RAB4B: variants seen among roughly 807,000 people sequenced by gnomAD.
The protein encoded by RAB4B is ras-related protein Rab-4B.
In RAB4B, 15 loss-of-function variants were observed where a neutral mutation model predicts 28.3. That is an observed-to-expected ratio of 0.53 (90% CI 0.35 to 0.82). The LOEUF is 0.82. Among genes scored for constraint, RAB4B ranks in the 40% least tolerant of loss-of-function variants. The pLI is 0.01. For synonymous variants in RAB4B, 108 were observed against 116.3 expected (o/e 0.93, Z 0.46); for missense variants, 244 against 288.5 (o/e 0.85, Z 1.12).
intron 7 of RAB4B, among the ~76,000 whole-genome samples, chr19:40,795,568 T>G (rs1466944755): frequency 4.2e-4 from 63 of 149,584 alleles, no homozygotes; most frequent in Admixed American, 4.2e-3. Flanking sequence ...CCTGGCTAAT[T>G]TTTGTATTTT....
chr19:40,778,930 A>G, intron 1 of RAB4B: 1 of 985,902 alleles, frequency 1.0e-6, no homozygotes, highest in Non-Finnish European at 1.2e-6. Flanking sequence ...GAAGTGGAAA[A>G]TCAGTAGGGA....
intron 1 of RAB4B, chr19:40,779,093 A>G: frequency 1.1e-6 from 1 of 913,914 alleles, no homozygotes; most frequent in Non-Finnish European, 1.3e-6. Flanking sequence ...AATAGACTGA[A>G]GGTCAGGAGC....
chr19:40,790,664 C>CTTTT (rs34206561), intron 7 of RAB4B, among the ~76,000 whole-genome samples: 4 of 111,506 alleles, frequency 3.6e-5, no homozygotes, highest in Admixed American at 1.1e-4. Context: ...TGAGCCTTTC[C>CTTTT]TTTTTTTTTT....
intron 2 of RAB4B, 46 bp downstream of exon 2, chr19:40,780,145 C>G (rs369181319): frequency 6.2e-7 from 1 of 1,607,052 alleles, no homozygotes; most frequent in Non-Finnish European, 8.5e-7. Flanking sequence ...TGTGTTTATG[C>G]GCATGGTGTG....
intron 7 of RAB4B, 127 bp downstream of exon 7, chr19:40,787,105 G>C: frequency 1.1e-6 from 1 of 901,836 alleles, no homozygotes. Context: ...AAACACACAA[G>C]CTAAAGGAGG....
chr19:40,791,200 G>A (rs2083156298), intron 7 of RAB4B, among the ~76,000 whole-genome samples: 1 of 151,980 alleles, frequency 6.6e-6, no homozygotes, highest in Admixed American at 6.6e-5. Context: ...ATGCTCGTGA[G>A]GCTGGTCTTG....
Position 40,786,993 on chromosome 19 carries a change from G to A in RAB4B, c.*15+15G>A, listed in dbSNP as rs372465658. On this transcript the variant is annotated intron_variant, in intron 7 of 7. Coordinates refer to ENST00000357052, the MANE Select transcript of RAB4B (RefSeq NM_016154.5). ...TGTGGAGCCAGGTGGGACACTGGGG[G>A]CTTTAGGGAGGCAGGGCGGCCTCTT... The A allele has an allele frequency of 6.9e-6, 11 of 1,605,582 alleles. No homozygotes were observed. The African/African-American group carries it at 1.2e-4, about 18-fold the overall frequency.
rs778955458 is a variant in RAB4B at position 40,780,393 on chromosome 19, G to A, written c.106G>A (p.Asp36Asn). Residue 36 changes from aspartate (D) to asparagine (N), a missense_variant, in exon 3 of 8, where the codon GAC (aspartate) becomes AAC (asparagine). Coordinates refer to ENST00000357052, the MANE Select transcript of RAB4B (RefSeq NM_016154.5). Reference protein sequence around the residue: ...HQFIENKFKQDSNHTIGVEFG... With the variant: ...HQFIENKFKQNSNHTIGVEFG... The stretch of plus-strand genomic sequence containing the variant: ...GTTCCTCCTACTCCCAGTCAAACAG[G>A]ACTCCAACCACACAATCGGCGTGGA... The A allele has an allele frequency of 7.5e-6, 12 of 1,609,010 alleles. No individual in the cohort carries two copies. Among genetic ancestry groups the A allele is most frequent in the Admixed American group, 1.7e-5 (1 of 59,138 alleles).
At position 40,786,967 on chromosome 19, in the gene RAB4B, C is replaced by T. The variant is rs1342035079; in HGVS notation, c.*4C>T. The T allele has an allele frequency of 6.2e-7, 1 of 1,613,446 alleles. No individual in the cohort carries two copies. The highest frequency in any genetic ancestry group is 2.2e-5 in the East Asian group (1 of 44,862). On this transcript the variant is annotated 3_prime_UTR_variant, in exon 7 of 8. Coordinates refer to ENST00000357052, the MANE Select transcript of RAB4B (RefSeq NM_016154.5). ...CCCTCAGCCGTGTGGCTGCTGAGCT[C>T]TGTGGAGCCAGGTGGGACACTGGGG... is the stretch of plus-strand genomic sequence containing the variant.
intron 3 of RAB4B, among the ~76,000 whole-genome samples, chr19:40,783,499 G>A (rs1333113793): frequency 6.6e-6 from 1 of 152,076 alleles, no homozygotes; most frequent in Non-Finnish European, 1.5e-5. Context: ...ACAGACGAAT[G>A]GAAAGATAGG....
At chr19:40,778,499 G>A (rs1340876694) in intron 1 of RAB4B, 108 bp downstream of exon 1, 2 of 1,168,312 alleles carry the variant, frequency 1.7e-6, no homozygotes, top group East Asian at 6.2e-5. Flanking sequence ...TGGTGTGATG[G>A]AGGCAGGACC....
At chr19:40,778,461 G>T in intron 1 of RAB4B, 70 bp downstream of exon 1, 1 of 1,372,540 alleles carries the variant, frequency 7.3e-7, no homozygotes, top group East Asian at 2.9e-5. Flanking sequence ...GGGAATGGGC[G>T]GGGCTTTGTA....
In RAB4B at chr19:40,783,985, A is replaced by T; in HGVS notation, c.340A>T (p.Ile114Phe). The change falls in exon 5 of 8, where the codon ATC (isoleucine) becomes TTC (phenylalanine). Residue 114 changes from isoleucine (I) to phenylalanine (F), a missense_variant. Physicochemically the swap from Ile to Phe is conservative, Grantham distance 21 (BLOSUM62 0). Transcript: ENST00000357052. ...TGCCCGCACCCTGGCCAGCCCCAACATCGTGGTCATCCTCTGTGGCAACAA... is the reference window on the plus strand; with the variant it reads ...TGCCCGCACCCTGGCCAGCCCCAACTTCGTGGTCATCCTCTGTGGCAACAA... ...TDARTLASPN[I>F]VVILCGNKKD... 1 of 1,613,962 alleles carries T rather than the reference A, an allele frequency of 6.2e-7. No individual in the cohort carries two copies. Among genetic ancestry groups the T allele is most frequent in the Non-Finnish European group, 8.5e-7 (1 of 1,179,898 alleles).
intron 5 of RAB4B, among the ~76,000 whole-genome samples, chr19:40,785,215 G>GTTTGT (rs918350647): frequency 5.3e-5 from 8 of 151,764 alleles, no homozygotes; most frequent in African/African-American, 1.9e-4. Flanking sequence ...ACACCAAAAG[G>GTTTGT]TTTGCAAGGG....
intron 7 of RAB4B, among the ~76,000 whole-genome samples, chr19:40,795,636 C>A (rs560988069): frequency 6.6e-6 from 1 of 151,874 alleles, no homozygotes; most frequent in Non-Finnish European, 1.5e-5. Flanking sequence ...ACCTTGTGAT[C>A]TGCCTGTCTC....
chr19:40,789,351 T>C (rs1371547291), intron 7 of RAB4B, among the ~76,000 whole-genome samples: 5 of 151,754 alleles, frequency 3.3e-5, no homozygotes, highest in Non-Finnish European at 5.9e-5. Flanking sequence ...TACAGGCATG[T>C]GCCACCACAC....
chr19:40,794,039 G>A (rs930518526), intron 7 of RAB4B, among the ~76,000 whole-genome samples: 7 of 151,746 alleles, frequency 4.6e-5, no homozygotes, highest in South Asian at 2.1e-4. Context: ...ATGAGCCACC[G>A]AGCCCAGCCA....
chr19:40,788,324 G>GT, intron 7 of RAB4B, among the ~76,000 whole-genome samples: 1 of 151,600 alleles, frequency 6.6e-6, no homozygotes, highest in African/African-American at 2.4e-5. Context: ...TCCACAAAAA[G>GT]TTTTTTAAAA....
chr19:40,783,147 C>CAAAAAAAAAA (rs1168587843), intron 3 of RAB4B, among the ~76,000 whole-genome samples: 2 of 35,678 alleles, frequency 5.6e-5, no homozygotes, highest in African/African-American at 7.7e-5. Flanking sequence ...GATTCCTACT[C>CAAAAAAAAAA]AAAAAAAAAA....
Sources: allele counts gnomAD v4.1 joint callset (sites outside exome capture counted in the v4.1 genomes callset), GRCh38; gene constraint gnomAD v4.1.1; transcripts MANE v1.5; gene names NCBI Gene and HGNC (gene_info 2026-07-23, HGNC 2026-07-21).